The following PCDHGB2 variants were observed in gnomAD, a reference collection of about 807,000 sequenced individuals.
The protein encoded by PCDHGB2 is protocadherin gamma-B2.
A neutral mutation model predicts 59.3 loss-of-function variants in PCDHGB2; 55 were observed. The observed-to-expected ratio is 0.93, with a 90% confidence interval of 0.75 to 1.16. The LOEUF (loss-of-function observed/expected upper bound fraction) is 1.16. Among genes scored for constraint, PCDHGB2 ranks in the 50% most tolerant of loss-of-function variants. The pLI, the probability that PCDHGB2 is intolerant of heterozygous loss-of-function variation, is 0.00. For synonymous variants in PCDHGB2, 516 were observed against 512.0 expected, an observed-to-expected ratio of 1.01 and a Z score of -0.11; for missense variants, 1,228 against 1,198.5, an observed-to-expected ratio of 1.02 and a Z score of -0.36.
chr5:141,439,629 A>G (rs1262264623), intron 1 of PCDHGB2, among the ~76,000 whole-genome samples: 1 of 152,208 alleles, frequency 6.6e-6, no homozygotes, highest in East Asian at 1.9e-4. Flanking sequence ...CAATCCCCAG[A>G]CATTCCGGCT....
In PCDHGB2 at chr5:141,364,376, C is replaced by T. The variant is rs574883395; in HGVS notation, c.2421+1820C>T. 8.9e-6 allele frequency: 14 copies of T among 1,575,320 alleles called. No individual in the cohort carries two copies. The African/African-American group carries it at 1.4e-4, about 15-fold the overall frequency. ...CTGGGGCTGCGGAGAGCTGCTGCTG[C>T]CCTTCATGCTCCTGGGGACGCTGTG... On this transcript the variant is annotated intron_variant, in intron 1 of 3. Transcript: ENST00000522605.
chr5:141,393,892 C>A lies in PCDHGB2; in HGVS notation c.2421+31336C>A, dbSNP rs775134910. The A allele has an allele frequency of 1.2e-5, 19 of 1,613,856 alleles. No homozygotes were observed. Among genetic ancestry groups the A allele is most frequent in the Admixed American group, 6.7e-5 (4 of 60,000 alleles). ...TTGTTTAGCCCAGTGTTAGAAAATT[C>A]TCTTCCCGGGACAGTAATTGCCTTC... On this transcript the variant is annotated intron_variant, in intron 1 of 3. Transcript: ENST00000522605.
intron 1 of PCDHGB2, chr5:141,367,575 T>C (rs1765237338): frequency 7.4e-6 from 1 of 135,240 alleles, no homozygotes. Context: ...TAAATAAATA[T>C]CAGAAAAGTA....
chr5:141,402,949 A>C, intron 1 of PCDHGB2: 2 of 1,594,986 alleles, frequency 1.3e-6, no homozygotes, highest in South Asian at 1.1e-5. Flanking sequence ...AAAGCGAGGC[A>C]GCAATGGCAG....
chr5:141,381,177 C>T (rs935775632), intron 1 of PCDHGB2, among the ~76,000 whole-genome samples: 3 of 152,214 alleles, frequency 2.0e-5, no homozygotes, highest in Admixed American at 6.5e-5. Context: ...TCCCACAAAA[C>T]GAAGTTAAGC....
chr5:141,398,656 A>G, intron 1 of PCDHGB2: 1 of 1,614,034 alleles, frequency 6.2e-7, no homozygotes, highest in African/African-American at 1.3e-5. Context: ...TCTTAACCCA[A>G]GTTTCTCATT....
At position 141,360,059 on chromosome 5, in the gene PCDHGB2, A is replaced by G. The variant is rs568145843; in HGVS notation, c.-77A>G. ...GGAAACAGAAAACAAAAGCAGGAAA[A>G]GTGACCTTAGCCCGGATTCTGCCAT... On this transcript the variant is annotated 5_prime_UTR_variant, in exon 1 of 4. Coordinates refer to ENST00000522605, the MANE Select transcript of PCDHGB2 (RefSeq NM_018923.3). The G allele has an allele frequency of 1.4e-5, 20 of 1,450,538 alleles. No individual in the cohort carries two copies. In the Admixed American group the frequency reaches 3.3e-4, roughly 24 times the overall value. The allele number at this position is 1,450,538 out of a possible 1,614,324, so 89.9% of individuals were successfully genotyped here.
rs527514615 is a variant in PCDHGB2 at position 141,485,941 on chromosome 5, A to G, written c.2422-8866A>G. ...GGATTAGTGTGTTGGAGAGCGCACC[A>G]GCGGGCATGGTGCTCATCCAGCTCA... is the stretch of plus-strand genomic sequence containing the variant. On this transcript the variant is annotated intron_variant, in intron 1 of 3. Coordinates refer to ENST00000522605, the MANE Select transcript of PCDHGB2 (RefSeq NM_018923.3). This position sits in a 1 kb window ranked among gnomAD's most constrained non-coding sequence, Gnocchi z 5.7. The G allele has an allele frequency of 2.5e-6, 4 of 1,614,180 alleles. No homozygotes were observed. The highest frequency in any genetic ancestry group is 2.7e-5 in the African/African-American group (2 of 75,032).
rs2150230162 is a variant in PCDHGB2, at chr5:141,383,367, G to T, written c.2421+20811G>T. The T allele has an allele frequency of 1.9e-6, 3 of 1,614,030 alleles. No individual in the cohort carries two copies. The East Asian group carries it at 6.7e-5, about 36-fold the overall frequency. ...CTGGGGTTCGGTTTCCGTTAAGCGA[G>T]GCTGGGGATCCAGATGTGGGCACGA... On this transcript the variant is annotated intron_variant, in intron 1 of 3. Transcript: ENST00000522605.
At chr5:141,465,266 C>G (rs2099099623) in intron 1 of PCDHGB2, among the ~76,000 whole-genome samples, 1 of 152,096 alleles carries the variant, frequency 6.6e-6, no homozygotes, top group South Asian at 2.1e-4. Flanking sequence ...ATGATACTAG[C>G]CATTTAGTTC....
At chr5:141,393,976 A>G in intron 1 of PCDHGB2, 1 of 1,613,856 alleles carries the variant, frequency 6.2e-7, no homozygotes, top group Non-Finnish European at 8.5e-7. Flanking sequence ...TACACACGTG[A>G]TAATTTACCT....
In PCDHGB2 at chr5:141,432,997, G is replaced by T. The variant is rs778828769; in HGVS notation, c.2422-61810G>T. 17 of 1,614,082 alleles carry T rather than the reference G, an allele frequency of 1.1e-5. No homozygotes were observed. The highest frequency in any genetic ancestry group is 4.5e-5 in the East Asian group (2 of 44,864). ...CGCACTTTGTGGGCGTGGACGGGGT[G>T]CAGGCTTTCCTGCAGACCTATTCCC... On this transcript the variant is annotated intron_variant, in intron 1 of 3. Transcript: ENST00000522605. The surrounding 1 kb of genome is among the most constrained non-coding windows in gnomAD (Gnocchi z 6.0).
intron 1 of PCDHGB2, chr5:141,417,791 C>T: frequency 6.7e-7 from 1 of 1,482,658 alleles, no homozygotes; most frequent in Non-Finnish European, 9.0e-7. Context: ...GCCGAATGCT[C>T]TTTTAGCGCG....
In PCDHGB2 at chr5:141,461,039, C is replaced by T. The variant is rs1026091108; in HGVS notation, c.2422-33768C>T. On this transcript the variant is annotated intron_variant, in intron 1 of 3. Coordinates refer to ENST00000522605, the MANE Select transcript of PCDHGB2 (RefSeq NM_018923.3). ...ACATTTTCTTTATCCACTCATTAGT[C>T]GATGGGGACTTAGGTTGGTTTCACA... is the stretch of plus-strand genomic sequence containing the variant. 2.7e-5 allele frequency among the ~76,000 whole-genome samples: 4 copies of T among 150,906 alleles called. No homozygotes were observed. In the East Asian group the frequency reaches 7.8e-4, roughly 29 times the overall value.
rs529029548 is a variant in PCDHGB2 at position 141,483,337 on chromosome 5, T to C, written c.2422-11470T>C. 9.2e-5 allele frequency among the ~76,000 whole-genome samples: 14 copies of C among 152,260 alleles called. No homozygotes were observed. In the East Asian group the frequency reaches 2.5e-3, roughly 27 times the overall value. On this transcript the variant is annotated intron_variant, in intron 1 of 3. Transcript: ENST00000522605. Reference sequence around the variant, plus strand: ...TGGGACTGGAGGCAAAGAGATCTTATCTCTTTGCAATAGTTTGAAAGCTAT... The same window carrying C: ...TGGGACTGGAGGCAAAGAGATCTTACCTCTTTGCAATAGTTTGAAAGCTAT...
At chr5:141,393,102 G>C (rs768432261) in intron 1 of PCDHGB2, 2 of 1,613,568 alleles carry the variant, frequency 1.2e-6, no homozygotes, top group Non-Finnish European at 1.7e-6. Context: ...GGAGCTCTGC[G>C]CTCAGAGCCC....
At chr5:141,376,221 C>G in intron 1 of PCDHGB2, 4 of 1,614,216 alleles carry the variant, frequency 2.5e-6, no homozygotes, top group Non-Finnish European at 3.4e-6. Context: ...GTGCTGCTGG[C>G]GCTCAGACTG....
Position 141,511,843 on chromosome 5 carries a change from GT to G in PCDHGB2, c.*674del, listed in dbSNP as rs1413398495. On this transcript the variant is annotated 3_prime_UTR_variant, in exon 4 of 4. Coordinates refer to ENST00000522605, the MANE Select transcript of PCDHGB2 (RefSeq NM_018923.3). ...CCAACGCCCTGGGGACCAGTCTTCT[GT>G]TTTGTTTTTCATTGTTTGACGTTTC... 1 of 156,550 alleles carries G rather than the reference GT, an allele frequency of 6.4e-6. No individual in the cohort carries two copies. The highest frequency in any genetic ancestry group is 2.4e-5 in the African/African-American group (1 of 41,452). The allele number at this position is 156,550 out of a possible 1,614,324, so 9.7% of individuals were successfully genotyped here. A position where few individuals can be genotyped will look rare whatever the true frequency, so the allele number is the denominator to read the frequency against.
intron 1 of PCDHGB2, chr5:141,388,909 C>T: frequency 6.2e-7 from 1 of 1,613,902 alleles, no homozygotes. Flanking sequence ...AATGACAACG[C>T]CCCAGAAGTG....
Sources: allele counts gnomAD v4.1 joint callset (sites outside exome capture counted in the v4.1 genomes callset), GRCh38; gene constraint gnomAD v4.1.1; non-coding constraint Gnocchi (gnomAD v3.1); transcripts MANE v1.5; gene names NCBI Gene and HGNC (gene_info 2026-07-23, HGNC 2026-07-21).